RNF121: variants seen among roughly 807,000 people sequenced by gnomAD.
RNF121 encodes the protein ring finger protein 121.
A neutral mutation model predicts 46.5 loss-of-function variants in RNF121; 21 were observed. The ratio of observed to expected loss-of-function variants is 0.45; its 90% CI spans 0.32 to 0.65. RNF121 has a LOEUF of 0.65. RNF121 is among the 30% of genes least tolerant of loss of function. The pLI is 0.04. For synonymous variants in RNF121, 139 were observed against 144.7 expected, an observed-to-expected ratio of 0.96 and a Z score of 0.28; for missense variants, 346 against 416.0, an observed-to-expected ratio of 0.83 and a Z score of 1.46.
At chr11:71,929,434 T>G (rs140708932) in intron 1 of RNF121, among the ~76,000 whole-genome samples, 5 of 151,794 alleles carry the variant, frequency 3.3e-5, no homozygotes, top group African/African-American at 1.2e-4. Context: ...ACCGAAGGGC[T>G]AAGAGGTAGT....
chr11:71,938,024 G>A (rs970958658), intron 1 of RNF121, among the ~76,000 whole-genome samples: 4 of 152,190 alleles, frequency 2.6e-5, no homozygotes, highest in African/African-American at 9.7e-5. Flanking sequence ...GGGCAGCTAG[G>A]GAGAGACTGG....
rs1260449387 is a variant in RNF121, at chr11:71,990,654, C to T, written c.564C>T (p.Tyr188=). The change falls in exon 6 of 9, where the codon TAC becomes TAT. Residue 188 remains tyrosine (Y), a synonymous_variant. Coordinates refer to ENST00000361756, the MANE Select transcript of RNF121 (RefSeq NM_018320.5). ...TCTCCCTTCTCTTCTATGGCCTCTACTATGGAGTTCTGGAACGGGACTTTG... is the reference window on the plus strand; with the variant it reads ...TCTCCCTTCTCTTCTATGGCCTCTATTATGGAGTTCTGGAACGGGACTTTG... The part of the protein sequence containing the change: ...FGISLLFYGL[Y]YGVLERDFAE... 6.2e-7 allele frequency: 1 copy of T among 1,614,064 alleles called. No homozygotes were observed. Among genetic ancestry groups the T allele is most frequent in the Non-Finnish European group, 8.5e-7 (1 of 1,180,022 alleles).
Position 71,994,772 on chromosome 11 carries a change from T to C in RNF121, c.681T>C (p.Ala227=). The C allele has an allele frequency of 1.2e-6, 2 of 1,614,174 alleles. No individual in the cohort carries two copies. The highest frequency in any genetic ancestry group is 1.7e-6 in the Non-Finnish European group (2 of 1,180,028). The change falls in exon 7 of 9, where the codon GCT becomes GCC. Residue 227 remains alanine, a synonymous_variant. Coordinates refer to ENST00000361756, the MANE Select transcript of RNF121 (RefSeq NM_018320.5). ...PTKHLSDSVC[A]VCGQQIFVDV... ...AACATCTTTCAGACAGTGTGTGTGC[T>C]GTGTGTGGGCAGCAGATCTTTGTGG...
intron 7 of RNF121, chr11:71,995,228 T>A: frequency 1.7e-6 from 1 of 589,894 alleles, no homozygotes; most frequent in East Asian, 2.8e-5. Flanking sequence ...TCTGCCTATG[T>A]TGGGAAAGCC....
chr11:71,956,233 T>C (rs1953989436), intron 1 of RNF121, among the ~76,000 whole-genome samples: 1 of 152,184 alleles, frequency 6.6e-6, no homozygotes, highest in Admixed American at 6.5e-5. Context: ...TAAGGCCTTG[T>C]CTCTCTTCTG....
rs565386238 is a variant in RNF121, at chr11:71,931,441, A to G, written c.63+2317A>G. The stretch of plus-strand genomic sequence containing the variant: ...GTCATCCCTTCAAGCTCCAAAAATA[A>G]CAGAGGTCTGGTCTGGCAGACCTTA... On this transcript the variant is annotated intron_variant, in intron 1 of 8. Transcript: ENST00000361756. Among the ~76,000 whole-genome samples the G allele has an allele frequency of 5.3e-5, 8 of 152,338 alleles. No homozygotes were observed. In the East Asian group the frequency reaches 1.2e-3, roughly 22 times the overall value.
intron 1 of RNF121, among the ~76,000 whole-genome samples, chr11:71,955,214 C>T (rs1299859195): frequency 6.6e-6 from 1 of 152,116 alleles, no homozygotes; most frequent in Non-Finnish European, 1.5e-5. Flanking sequence ...CTCTTGCTTG[C>T]CCTATCCTGG....
At chr11:71,956,771 G>C (rs529561996) in intron 1 of RNF121, among the ~76,000 whole-genome samples, 1 of 152,144 alleles carries the variant, frequency 6.6e-6, no homozygotes, top group Non-Finnish European at 1.5e-5. Flanking sequence ...CCTTTGCCTG[G>C]AATGTATTTC....
intron 5 of RNF121, among the ~76,000 whole-genome samples, chr11:71,989,862 T>C (rs10793015): frequency 0.92 from 140,475 of 152,136 alleles, 65,128 homozygotes; most frequent in Non-Finnish European, 0.98. Flanking sequence ...TCTTTTTTTC[T>C]TAAACCTGTG....
intron 1 of RNF121, among the ~76,000 whole-genome samples, chr11:71,950,726 C>T (rs983809369): frequency 6.6e-5 from 10 of 151,782 alleles, no homozygotes; most frequent in Admixed American, 2.6e-4. Flanking sequence ...GGTCTTGGCT[C>T]ACTGCAAGCT....
chr11:71,944,352 G>A (rs1315537663), intron 1 of RNF121, among the ~76,000 whole-genome samples: 3 of 152,076 alleles, frequency 2.0e-5, no homozygotes, highest in African/African-American at 7.2e-5. Context: ...GAGGAACTTA[G>A]GTGAATGACA....
Position 71,953,562 on chromosome 11 carries a change from G to A in RNF121, c.64-3665G>A, listed in dbSNP as rs916925084. Among the ~76,000 whole-genome samples, 10 of 152,120 alleles carry A rather than the reference G, an allele frequency of 6.6e-5. No individual in the cohort carries two copies. In the South Asian group the frequency reaches 1.2e-3, roughly 19 times the overall value. On this transcript the variant is annotated intron_variant, in intron 1 of 8. Transcript: ENST00000361756. The stretch of plus-strand genomic sequence containing the variant: ...ACTCAGGAGGTCTGGGATGGAGTCT[G>A]CGATTTTCTGTTTCTTAACAAGCTC...
chr11:71,979,773 T>C (rs1954607142), intron 3 of RNF121, among the ~76,000 whole-genome samples: 2 of 152,230 alleles, frequency 1.3e-5, no homozygotes, highest in South Asian at 2.1e-4. Flanking sequence ...CTGGTTGTTT[T>C]AATGCAACAG....
chr11:71,956,984 C>T (rs904616791), intron 1 of RNF121, among the ~76,000 whole-genome samples: 9 of 152,190 alleles, frequency 5.9e-5, no homozygotes, highest in East Asian at 1.9e-4. Context: ...GATTCTTGTC[C>T]TCCTCTGCCC....
chr11:71,981,412 ATCTC>A (rs1375565091), intron 3 of RNF121, among the ~76,000 whole-genome samples: 1 of 151,962 alleles, frequency 6.6e-6, no homozygotes, highest in African/African-American at 2.4e-5. Flanking sequence ...TCCTCTCTAT[ATCTC>A]TCTTTTTGTT....
At chr11:71,994,889 G>A (rs955019204) in intron 7 of RNF121, 37 bp downstream of exon 7, 3 of 1,613,434 alleles carry the variant, frequency 1.9e-6, no homozygotes, top group Non-Finnish European at 2.5e-6. Flanking sequence ...CATCTCTCCT[G>A]CAATCTGCAC....
chr11:71,948,057 G>GT (rs1953767653), intron 1 of RNF121, among the ~76,000 whole-genome samples: 1 of 152,108 alleles, frequency 6.6e-6, no homozygotes, highest in African/African-American at 2.4e-5. Context: ...TTAAAGATGG[G>GT]TAAAAAGTTT....
At chr11:71,947,016 C>T (rs1165260571) in intron 1 of RNF121, among the ~76,000 whole-genome samples, 2 of 151,778 alleles carry the variant, frequency 1.3e-5, no homozygotes, top group African/African-American at 4.8e-5. Flanking sequence ...TACAGGCATG[C>T]GCCACCACAC....
chr11:71,931,487 T>C (rs915642495), intron 1 of RNF121, among the ~76,000 whole-genome samples: 7 of 152,194 alleles, frequency 4.6e-5, no homozygotes, highest in African/African-American at 1.7e-4. Context: ...AGGTTTCTAC[T>C]AATGTCTCCC....
Sources: allele counts gnomAD v4.1 joint callset (sites outside exome capture counted in the v4.1 genomes callset), GRCh38; gene constraint gnomAD v4.1.1; transcripts MANE v1.5; gene names NCBI Gene and HGNC (gene_info 2026-07-23, HGNC 2026-07-21).